The following BROX variants were observed in gnomAD, a reference collection of about 807,000 sequenced individuals.
The protein encoded by BROX is BRO1 domain and CAAX motif containing.
BROX carries 53 observed loss-of-function variants against 61.0 expected under a neutral mutation model. The observed-to-expected ratio is 0.87, with a 90% CI of 0.70 to 1.09. BROX has a LOEUF of 1.09. Among genes scored for constraint, BROX ranks in the 50% least tolerant of loss-of-function variants. The pLI is 0.00. For missense variants in BROX, 489 were observed against 472.0 expected (o/e 1.04, Z -0.33); for synonymous variants, 152 against 160.2 (o/e 0.95, Z 0.38).
chr1:222,731,252 C>T, intron 11 of BROX, 105 bp from the exon 12 acceptor site: 1 of 1,001,594 alleles, frequency 1.0e-6, no homozygotes, highest in Non-Finnish European at 1.4e-6. Flanking sequence ...AGAAAAACCT[C>T]TTATCCATCA....
chr1:222,727,031 G>C (rs10495200), intron 7 of BROX, 137 bp from the exon 8 acceptor site: 86,533 of 622,636 alleles, frequency 0.14, 9,453 homozygotes, highest in African/African-American at 0.45. Flanking sequence ...TTTTCTATAA[G>C]TTTGCACGTT....
intron 1 of BROX, among the ~76,000 whole-genome samples, chr1:222,714,302 C>T (rs1051220365): frequency 2.7e-5 from 4 of 150,130 alleles, no homozygotes; most frequent in African/African-American, 7.4e-5. Flanking sequence ...AGCTCCGCCT[C>T]CTGGGTTCTC....
At position 222,712,858 on chromosome 1, in the gene BROX, G is replaced by A; in HGVS notation, c.-101G>A. Reference sequence around the variant, plus strand: ...CCTGGTTCTGTAGTCTCGGTTCTCCGACTCCCTCTTTTTCTCGCTTGTGGA... The same window carrying A: ...CCTGGTTCTGTAGTCTCGGTTCTCCAACTCCCTCTTTTTCTCGCTTGTGGA... On this transcript the variant is annotated 5_prime_UTR_variant, in exon 1 of 13. Transcript: ENST00000340934. 1 of 1,274,926 alleles carries A rather than the reference G, an allele frequency of 7.8e-7. No individual in the cohort carries two copies. Among genetic ancestry groups the A allele is most frequent in the Middle Eastern group, 2.2e-4 (1 of 4,630 alleles). The allele number at this position is 1,274,926 out of a possible 1,614,324, so 79.0% of individuals were successfully genotyped here.
rs769137640 is a variant in BROX, at chr1:222,730,099, C to T, written c.911C>T (p.Ser304Leu). Reference protein sequence around the residue: ...TKGPGPTVKPSGHLFFRKLGN... With the variant: ...TKGPGPTVKPLGHLFFRKLGN... ...GGACCTGGACCAACAGTCAAACCTTCAGGACATCTGTTCTTTAGGAAACTT... is the reference window on the plus strand; with the variant it reads ...GGACCTGGACCAACAGTCAAACCTTTAGGACATCTGTTCTTTAGGAAACTT... Residue 304 changes from serine (S) to leucine (L), a missense_variant, in exon 11 of 13, where the codon TCA becomes TTA. Transcript: ENST00000340934. 3.1e-6 allele frequency: 5 copies of T among 1,613,330 alleles called. No individual in the cohort carries two copies. Among genetic ancestry groups the T allele is most frequent in the Middle Eastern group, 1.7e-4 (1 of 6,060 alleles).
At chr1:222,730,552 A>T (rs1360732516) in intron 11 of BROX, among the ~76,000 whole-genome samples, 1 of 152,184 alleles carries the variant, frequency 6.6e-6, no homozygotes, top group Admixed American at 6.5e-5. Flanking sequence ...GCCATGATTA[A>T]GTCACTGCAC....
chr1:222,730,933 T>G (rs1394561371), intron 11 of BROX, among the ~76,000 whole-genome samples: 1 of 152,172 alleles, frequency 6.6e-6, no homozygotes, highest in Non-Finnish European at 1.5e-5. Context: ...AGGTTTTCCA[T>G]TATTAAATCA....
intron 2 of BROX, among the ~76,000 whole-genome samples, chr1:222,718,652 T>C (rs985841132): frequency 3.3e-5 from 5 of 152,200 alleles, no homozygotes; most frequent in Non-Finnish European, 5.9e-5. Context: ...TATTTGCCCC[T>C]TTAATTGGTC....
Position 222,719,278 on chromosome 1 carries a change from T to C in BROX, c.224T>C (p.Leu75Ser). The change falls in exon 4 of 13, where the codon TTG becomes TCG. Residue 75 changes from leucine to serine, a missense_variant. Coordinates refer to ENST00000340934, the MANE Select transcript of BROX (RefSeq NM_144695.4). The part of the protein sequence containing the change: ...FSLLQGFINS[L>S]DESTQESKLR... ...TTTTCTATAGGTTTCATAAATTCTT[T>C]GGATGAATCTACCCAAGAAAGCAAG... The C allele has an allele frequency of 6.3e-7, 1 of 1,590,120 alleles. No homozygotes were observed. The highest frequency in any genetic ancestry group is 8.6e-7 in the Non-Finnish European group (1 of 1,158,620).
intron 7 of BROX, among the ~76,000 whole-genome samples, chr1:222,726,409 G>A (rs1216164102): frequency 6.6e-6 from 1 of 151,964 alleles, no homozygotes; most frequent in Non-Finnish European, 1.5e-5. Flanking sequence ...TCTACAAAAA[G>A]TTATTTAAAA....
Position 222,727,157 on chromosome 1 carries a change from T to G in BROX, c.581-11T>G. ...TTAATTATAGATTCACTTTATTGTG[T>G]TTGGTTACAGTAACAATTGCTCGAG... On this transcript the variant is annotated splice_polypyrimidine_tract_variant and intron_variant, in intron 7 of 12. Coordinates refer to ENST00000340934, the MANE Select transcript of BROX (RefSeq NM_144695.4). The G allele has an allele frequency of 6.3e-7, 1 of 1,586,138 alleles. No individual in the cohort carries two copies. The highest frequency in any genetic ancestry group is 8.6e-7 in the Non-Finnish European group (1 of 1,156,532).
chr1:222,729,556 T>TAA, intron 9 of BROX, 64 bp from the exon 10 acceptor site: 1 of 1,307,522 alleles, frequency 7.6e-7, no homozygotes, highest in Non-Finnish European at 1.1e-6. Context: ...GATAGATACA[T>TAA]AAAACAATAG....
At position 222,731,503 on chromosome 1, in the gene BROX, C is replaced by T. The variant is rs767468781; in HGVS notation, c.1136C>T (p.Pro379Leu). ...TLAAFDLTKR[P>L]KDDSTKPKPE... ...GCTGCATTTGATCTCACCAAAAGAC[C>T]CAAGGATGACAGTGTATGAGATTGT... is the stretch of plus-strand genomic sequence containing the variant. The change falls in exon 12 of 13, where the codon CCC (proline) becomes CTC (leucine). Residue 379 changes from proline to leucine, a missense_variant. Physicochemically the swap from Pro to Leu is moderately conservative, Grantham distance 98. Transcript: ENST00000340934. 7 of 1,587,398 alleles carry T rather than the reference C, an allele frequency of 4.4e-6. No individual in the cohort carries two copies. The highest frequency in any genetic ancestry group is 6.0e-6 in the Non-Finnish European group (7 of 1,173,188).
In BROX at chr1:222,729,781, G is replaced by T. The variant is rs893092558; in HGVS notation, c.838+80G>T. On this transcript the variant is annotated intron_variant, in intron 10 of 12. Coordinates refer to ENST00000340934, the MANE Select transcript of BROX (RefSeq NM_144695.4). The stretch of plus-strand genomic sequence containing the variant: ...ATAAAAGGGAATATATGCTTAAAGA[G>T]ATTTTGGCTGAGTTCATGAAAGGGA... The T allele has an allele frequency of 7.3e-6, 10 of 1,379,038 alleles. No homozygotes were observed. In the Admixed American group the frequency reaches 2.1e-4, roughly 28 times the overall value. The allele number at this position is 1,379,038 out of a possible 1,614,324, so 85.4% of individuals were successfully genotyped here.
intron 10 of BROX, 95 bp downstream of exon 10, chr1:222,729,796 C>T: frequency 7.9e-7 from 1 of 1,262,392 alleles, no homozygotes; most frequent in Admixed American, 2.2e-5. Flanking sequence ...TGGCTGAGTT[C>T]ATGAAAGGGA....
At chr1:222,716,962 A>G (rs1408362919) in intron 2 of BROX, among the ~76,000 whole-genome samples, 2 of 152,224 alleles carry the variant, frequency 1.3e-5, no homozygotes, top group Non-Finnish European at 2.9e-5. Context: ...TCTATATGAG[A>G]TACAGAATCT....
chr1:222,712,802 C>G lies in BROX; in HGVS notation c.-157C>G, dbSNP rs887518670. 6 of 1,288,934 alleles carry G rather than the reference C, an allele frequency of 4.7e-6. No individual in the cohort carries two copies. The highest frequency in any genetic ancestry group is 4.6e-5 in the Admixed American group (2 of 43,504). The allele number at this position is 1,288,934 out of a possible 1,614,324, so 79.8% of individuals were successfully genotyped here. A position where few individuals can be genotyped will look rare whatever the true frequency, so the allele number is the denominator to read the frequency against. On this transcript the variant is annotated 5_prime_UTR_variant, in exon 1 of 13. Coordinates refer to ENST00000340934, the MANE Select transcript of BROX (RefSeq NM_144695.4). Reference sequence around the variant, plus strand: ...ATCATGGCCGCCGGGTCACGTGACTCCGGCTTGGCGCCGTCCTGGTTTTCC... The same window carrying G: ...ATCATGGCCGCCGGGTCACGTGACTGCGGCTTGGCGCCGTCCTGGTTTTCC...
chr1:222,716,823 C>A (rs1656659263), intron 2 of BROX, among the ~76,000 whole-genome samples: 1 of 152,178 alleles, frequency 6.6e-6, no homozygotes, highest in Admixed American at 6.5e-5. Flanking sequence ...GTCAGGAAAA[C>A]CTTTGTGCTA....
In BROX at chr1:222,722,430, A is replaced by T; in HGVS notation, c.317A>T (p.Asp106Val). 6.2e-7 allele frequency: 1 copy of T among 1,612,354 alleles called. No homozygotes were observed. Among genetic ancestry groups the T allele is most frequent in the Non-Finnish European group, 8.5e-7 (1 of 1,178,596 alleles). Residue 106 changes from aspartate to valine, a missense_variant, in exon 5 of 13, where the codon GAT becomes GTT. Transcript: ENST00000340934. ...LQGQVPSAQQDAVFELISMGF... is the reference protein window; with the variant it reads ...LQGQVPSAQQVAVFELISMGF... ...GTTTATAATTCCAGTGCCCAGCAGG[A>T]TGCTGTTTTTGAATTAATTTCCATG...
Position 222,730,012 on chromosome 1 carries a change from C to G in BROX, c.839-15C>G, listed in dbSNP as rs555221870. ...TAATTATAATCAAAAGACTTTAAATCTCTTTCACATGCAGTGTATGCAAAG... is the reference window on the plus strand; with the variant it reads ...TAATTATAATCAAAAGACTTTAAATGTCTTTCACATGCAGTGTATGCAAAG... On this transcript the variant is annotated splice_polypyrimidine_tract_variant and intron_variant, in intron 10 of 12. Transcript: ENST00000340934. The G allele has an allele frequency of 3.2e-6, 5 of 1,585,920 alleles. No individual in the cohort carries two copies. Among genetic ancestry groups the G allele is most frequent in the Non-Finnish European group, 4.3e-6 (5 of 1,171,036 alleles).
Sources: gnomAD v4.1 joint callset for allele counts (sites outside exome capture counted in the v4.1 genomes callset) on GRCh38, gnomAD v4.1.1 for gene constraint, MANE v1.5 for transcripts, NCBI Gene and HGNC (gene_info 2026-07-23, HGNC 2026-07-21) for gene names.